SIK3: variants seen among roughly 807,000 people sequenced by gnomAD.
SIK3 encodes the protein serine/threonine-protein kinase SIK3.
A neutral mutation model predicts 144.2 loss-of-function variants in SIK3; 28 were observed. That is an observed-to-expected ratio of 0.19 (90% CI 0.14 to 0.27). SIK3 has a LOEUF of 0.27. Among genes scored for constraint, SIK3 ranks in the 10% least tolerant of loss-of-function variants. The probability of loss-of-function intolerance (pLI) is 1.00; values close to 1 mark genes in which losing one functional copy is unlikely to be tolerated. For synonymous variants in SIK3, 686 were observed against 676.3 expected (o/e 1.01, Z -0.22); for missense variants, 1,319 against 1,776.0 (o/e 0.74, Z 4.62).
intron 1 of SIK3, among the ~76,000 whole-genome samples, chr11:116,980,599 T>C (rs1950106085): frequency 6.6e-6 from 1 of 152,218 alleles, no homozygotes; most frequent in Non-Finnish European, 1.5e-5. Context: ...ATGCCTATAA[T>C]GCCAGCACTT....
chr11:116,875,434 A>C lies in SIK3; in HGVS notation c.1257T>G (p.Thr419=), dbSNP rs749226334. 8 of 1,614,214 alleles carry C rather than the reference A, an allele frequency of 5.0e-6. No individual in the cohort carries two copies. The highest frequency in any genetic ancestry group is 6.8e-6 in the Non-Finnish European group (8 of 1,180,028). The stretch of plus-strand genomic sequence containing the variant: ...CCTGGGGAACGCTGATGTTCATAGC[A>C]GTACCTGCCTGCTCCGCCTGGAAAG... ...PVNIQAEQAG[T]AMNISVPQVQ... The change falls in exon 10 of 25, where the codon ACT becomes ACG. Residue 419 remains threonine (T), a synonymous_variant. Transcript: ENST00000445177.
intron 1 of SIK3, among the ~76,000 whole-genome samples, chr11:117,031,687 A>ATTTTTTTTTTTTTT (rs57524562): frequency 1.8e-4 from 15 of 81,532 alleles, no homozygotes; most frequent in East Asian, 3.8e-4. Flanking sequence ...CACCCGGCTA[A>ATTTTTTTTTTTTTT]TTTTTTTTTT....
At chr11:116,962,453 A>T (rs193053667) in intron 1 of SIK3, among the ~76,000 whole-genome samples, 1 of 152,260 alleles carries the variant, frequency 6.6e-6, no homozygotes, top group South Asian at 2.1e-4. Context: ...AGAAAAGCTT[A>T]TTTTTTTAAA....
chr11:117,020,492 T>C (rs1951726349), intron 1 of SIK3, among the ~76,000 whole-genome samples: 2 of 152,098 alleles, frequency 1.3e-5, no homozygotes, highest in African/African-American at 2.4e-5. Context: ...TGGTGGCCAA[T>C]TGCCAGGGGA....
At chr11:117,014,608 G>A (rs906712692) in intron 1 of SIK3, among the ~76,000 whole-genome samples, 1 of 152,018 alleles carries the variant, frequency 6.6e-6, no homozygotes. Context: ...CCAAAATATA[G>A]AGGGAACTAC....
chr11:117,072,784 C>A (rs929278170), intron 1 of SIK3, among the ~76,000 whole-genome samples: 1 of 152,130 alleles, frequency 6.6e-6, no homozygotes, highest in Admixed American at 6.5e-5. Flanking sequence ...GATTATTTAA[C>A]CAAAATGTCA....
At chr11:116,921,597 G>A (rs771856918) in intron 4 of SIK3, among the ~76,000 whole-genome samples, 13 of 151,712 alleles carry the variant, frequency 8.6e-5, no homozygotes, top group Non-Finnish European at 1.5e-4. Context: ...TCAAAATCCT[G>A]GCCTCAAGTG....
intron 1 of SIK3, among the ~76,000 whole-genome samples, chr11:117,077,797 T>G (rs1565621761): frequency 6.6e-6 from 1 of 152,228 alleles, no homozygotes; most frequent in Non-Finnish European, 1.5e-5. Context: ...CCCCTGTAAG[T>G]CAACTATTCT....
chr11:116,935,146 G>C (rs1947843910), intron 3 of SIK3, among the ~76,000 whole-genome samples: 1 of 151,982 alleles, frequency 6.6e-6, no homozygotes, highest in Non-Finnish European at 1.5e-5. Flanking sequence ...CTGTTGAGAG[G>C]CTGAGGCAGG....
At chr11:117,040,190 C>T (rs1412679584) in intron 1 of SIK3, among the ~76,000 whole-genome samples, 1 of 152,142 alleles carries the variant, frequency 6.6e-6, no homozygotes, top group Non-Finnish European at 1.5e-5. Context: ...TCACTGAGCA[C>T]CTATCATAGC....
At chr11:117,095,066 T>C (rs193279249) in intron 1 of SIK3, among the ~76,000 whole-genome samples, 58 of 152,094 alleles carry the variant, frequency 3.8e-4, no homozygotes, top group Middle Eastern at 6.8e-3. Context: ...CTCTAGACGG[T>C]TTGAGAGTTA....
chr11:117,003,076 AC>A (rs140939386), intron 1 of SIK3, among the ~76,000 whole-genome samples: 3,015 of 152,324 alleles, frequency 0.02, 107 homozygotes, highest in African/African-American at 0.068. Context: ...ACCACCAATA[AC>A]AACAAAAATG....
intron 6 of SIK3, among the ~76,000 whole-genome samples, chr11:116,886,677 A>G (rs1382541610): frequency 1.3e-5 from 2 of 152,228 alleles, no homozygotes; most frequent in Non-Finnish European, 2.9e-5. Flanking sequence ...CTTCAGTTAA[A>G]TAAACGATCT....
chr11:117,029,508 A>C (rs1952165885), intron 1 of SIK3, among the ~76,000 whole-genome samples: 1 of 152,156 alleles, frequency 6.6e-6, no homozygotes, highest in Non-Finnish European at 1.5e-5. Flanking sequence ...TGAAGGATGA[A>C]ACTGAGGGAT....
intron 1 of SIK3, among the ~76,000 whole-genome samples, chr11:117,013,899 AGGG>A (rs71037440): frequency 1.1e-4 from 3 of 26,608 alleles, no homozygotes; most frequent in African/African-American, 1.5e-4. Context: ...CCAGATTCTG[AGGG>A]GGGGGGGGGG....
chr11:116,935,276 TATTA>T (rs1212087998), intron 3 of SIK3, among the ~76,000 whole-genome samples: 2 of 151,286 alleles, frequency 1.3e-5, no homozygotes, highest in Non-Finnish European at 2.9e-5. Context: ...GATAAATTAT[TATTA>T]ATTATATTGA....
chr11:117,073,224 A>C (rs1954356891), intron 1 of SIK3, among the ~76,000 whole-genome samples: 1 of 152,210 alleles, frequency 6.6e-6, no homozygotes, highest in Non-Finnish European at 1.5e-5. Flanking sequence ...ATACACATTC[A>C]TCATGAGTTT....
chr11:116,848,993 C>G, intron 22 of SIK3, 127 bp downstream of exon 22: 1 of 1,101,614 alleles, frequency 9.1e-7, no homozygotes, highest in Non-Finnish European at 1.2e-6. Context: ...TGCTCCCCAC[C>G]GTTTCCAGAA....
At chr11:117,011,717 C>T (rs980164754) in intron 1 of SIK3, among the ~76,000 whole-genome samples, 1 of 152,152 alleles carries the variant, frequency 6.6e-6, no homozygotes, top group Non-Finnish European at 1.5e-5. Flanking sequence ...GTGACTCACG[C>T]CTATACTCCC....
Sources: gnomAD v4.1 joint callset for allele counts (sites outside exome capture counted in the v4.1 genomes callset) on GRCh38, gnomAD v4.1.1 for gene constraint, MANE v1.5 for transcripts, NCBI Gene and HGNC (gene_info 2026-07-23, HGNC 2026-07-21) for gene names.